Variants in SGCZ observed in about 807,000 individuals in gnomAD.
The protein encoded by SGCZ is zeta-sarcoglycan.
In SGCZ, 40 loss-of-function variants were observed where a neutral mutation model predicts 41.3. The observed-to-expected ratio is 0.97, with a 90% CI of 0.75 to 1.26. The LOEUF (loss-of-function observed/expected upper bound fraction) is 1.26, where lower values mean the gene tolerates loss of function less well. Ranked by LOEUF, SGCZ falls within the 50% of genes most tolerant of loss-of-function variation. SGCZ has a pLI of 0.00. For missense variants in SGCZ, 552 were observed against 369.8 expected, an observed-to-expected ratio of 1.49 and a Z score of -4.04; for synonymous variants, 206 against 137.5, an observed-to-expected ratio of 1.50 and a Z score of -3.49.
rs57898016 is a variant in SGCZ at position 14,493,359 on chromosome 8, C to CTTTTTTTTTTTTT, written c.234+61360_234+61372dup. Reference sequence around the variant, plus strand: ...CATACTTTTCCCACTATCATCCTTTCTTTTTTTTTTTTTTTTTTTTTTTTT... The same window carrying CTTTTTTTTTTTTT: ...CATACTTTTCCCACTATCATCCTTTCTTTTTTTTTTTTTTTTTTTTTTTTTTTTTTTTTTTTTT... On this transcript the variant is annotated intron_variant, in intron 2 of 7. Transcript: ENST00000382080. Among the ~76,000 whole-genome samples the CTTTTTTTTTTTTT allele has an allele frequency of 4.5e-3, 200 of 44,270 alleles. 25 individuals are homozygous for CTTTTTTTTTTTTT. The highest frequency in any genetic ancestry group is 9.3e-3 in the African/African-American group (123 of 13,248). 29.0% of individuals were successfully genotyped at this position (44,270 alleles called of 152,430 possible).
At position 14,847,182 on chromosome 8, in the gene SGCZ, A is replaced by AGAAGAAGAAGAAGAAGAG. The variant is rs1413121920; in HGVS notation, c.40-292257_40-292256insCTCTTCTTCTTCTTCTTC. Reference sequence around the variant, plus strand: ...AAGAAGAAGAAGAAGAAGAAGAAGAAGAAGAGAAAAATACCAATTCTACAA... The same window carrying AGAAGAAGAAGAAGAAGAG: ...AAGAAGAAGAAGAAGAAGAAGAAGAAGAAGAAGAAGAAGAAGAGGAAGAGAAAAATACCAATTCTACAA... On this transcript the variant is annotated intron_variant, in intron 1 of 7. Coordinates refer to ENST00000382080, the MANE Select transcript of SGCZ (RefSeq NM_139167.4). Among the ~76,000 whole-genome samples the AGAAGAAGAAGAAGAAGAG allele has an allele frequency of 4.3e-4, 64 of 147,302 alleles. 1 individual carries two copies. The highest frequency in any genetic ancestry group is 3.5e-3 in the Middle Eastern group (1 of 284).
At chr8:15,045,720 C>T (rs1461473947) in intron 1 of SGCZ, among the ~76,000 whole-genome samples, 1 of 152,082 alleles carries the variant, frequency 6.6e-6, no homozygotes, top group East Asian at 1.9e-4. Flanking sequence ...ATTCTCTCAT[C>T]AGAGTTGAAG....
chr8:14,305,064 G>C (rs1254390829), intron 3 of SGCZ, among the ~76,000 whole-genome samples: 8 of 152,158 alleles, frequency 5.3e-5, no homozygotes, highest in African/African-American at 1.9e-4. Flanking sequence ...CAATAGTATT[G>C]CTTAACTTAC....
chr8:15,165,800 T>A (rs1467868758), intron 1 of SGCZ, among the ~76,000 whole-genome samples: 7 of 152,202 alleles, frequency 4.6e-5, no homozygotes, highest in Non-Finnish European at 1.0e-4. Context: ...GGAGGAATTG[T>A]GGAAATTAAT....
intron 1 of SGCZ, among the ~76,000 whole-genome samples, chr8:14,656,941 T>C (rs1394171500): frequency 6.6e-6 from 1 of 151,886 alleles, no homozygotes; most frequent in Non-Finnish European, 1.5e-5. Flanking sequence ...AACATAAAAA[T>C]GAACTAAATC....
Position 14,891,567 on chromosome 8 carries a change from T to C in SGCZ, c.40-336641A>G, listed in dbSNP as rs568890025. Among the ~76,000 whole-genome samples, 4 of 152,312 alleles carry C rather than the reference T, an allele frequency of 2.6e-5. No individual in the cohort carries two copies. The South Asian group carries it at 6.2e-4, about 24-fold the overall frequency. On this transcript the variant is annotated intron_variant, in intron 1 of 7. Coordinates refer to ENST00000382080, the MANE Select transcript of SGCZ (RefSeq NM_139167.4). Reference sequence around the variant, plus strand: ...GCATATAATCTACTCCTAGTGAAGATGATGTGAACATTGTTAAAATGACAA... The same window carrying C: ...GCATATAATCTACTCCTAGTGAAGACGATGTGAACATTGTTAAAATGACAA...
intron 1 of SGCZ, among the ~76,000 whole-genome samples, chr8:14,701,739 G>T (rs986676158): frequency 6.6e-6 from 1 of 151,472 alleles, no homozygotes; most frequent in Non-Finnish European, 1.5e-5. Flanking sequence ...ACCAGCATCA[G>T]GTCTGCCACC....
intron 2 of SGCZ, among the ~76,000 whole-genome samples, chr8:14,444,164 A>G (rs983967052): frequency 6.6e-6 from 1 of 152,272 alleles, no homozygotes; most frequent in Admixed American, 6.5e-5. Flanking sequence ...AGGAAACAAC[A>G]GGTGCTGGAG....
intron 1 of SGCZ, among the ~76,000 whole-genome samples, chr8:14,989,161 A>G (rs1447858795): frequency 6.6e-6 from 1 of 152,154 alleles, no homozygotes; most frequent in Non-Finnish European, 1.5e-5. Flanking sequence ...GGGTCTGTGG[A>G]CTACTTTTGA....
chr8:14,301,998 T>C, intron 3 of SGCZ, among the ~76,000 whole-genome samples: 1 of 152,198 alleles, frequency 6.6e-6, no homozygotes, highest in East Asian at 1.9e-4. Context: ...TTTAGAAATA[T>C]CTGTCAACTT....
intron 1 of SGCZ, among the ~76,000 whole-genome samples, chr8:14,980,832 C>T (rs1801637386): frequency 6.6e-6 from 1 of 151,630 alleles, no homozygotes; most frequent in Non-Finnish European, 1.5e-5. Flanking sequence ...AACCATATCA[C>T]TATCTATTAA....
chr8:14,220,324 C>T (rs533882421), intron 4 of SGCZ, among the ~76,000 whole-genome samples: 5 of 151,820 alleles, frequency 3.3e-5, no homozygotes, highest in Non-Finnish European at 7.4e-5. Flanking sequence ...CATAATATTA[C>T]GAGAAAAAAA....
At chr8:14,621,137 A>G (rs552725589) in intron 1 of SGCZ, among the ~76,000 whole-genome samples, 177 of 152,066 alleles carry the variant, frequency 1.2e-3, no homozygotes, top group African/African-American at 4.1e-3. Flanking sequence ...TGTCCTTTGT[A>G]GGGACATGGA....
intron 2 of SGCZ, among the ~76,000 whole-genome samples, chr8:14,391,340 C>T (rs150870904): frequency 8.6e-5 from 13 of 151,606 alleles, no homozygotes; most frequent in African/African-American, 3.1e-4. Flanking sequence ...CACATATAAA[C>T]AATAAGAACA....
chr8:14,978,418 C>T (rs1382825553), intron 1 of SGCZ, among the ~76,000 whole-genome samples: 1 of 130,490 alleles, frequency 7.7e-6, no homozygotes, highest in African/African-American at 3.0e-5. Flanking sequence ...TTGTAGTGAG[C>T]CAAGATCGCG....
rs1800589055 is a variant in SGCZ at position 14,285,432 on chromosome 8, A to T, written c.336+38671T>A. 2.0e-5 allele frequency among the ~76,000 whole-genome samples: 3 copies of T among 152,160 alleles called. No individual in the cohort carries two copies. In the South Asian group the frequency reaches 6.2e-4, roughly 32 times the overall value. ...TCAGCATAACTCCTGAGCCTTTCGA[A>T]CTGGATCCAGAAATCTGAAGCTTCT... is the stretch of plus-strand genomic sequence containing the variant. On this transcript the variant is annotated intron_variant, in intron 3 of 7. Coordinates refer to ENST00000382080, the MANE Select transcript of SGCZ (RefSeq NM_139167.4).
chr8:14,876,237 A>T (rs1033091657), intron 1 of SGCZ, among the ~76,000 whole-genome samples: 1 of 152,140 alleles, frequency 6.6e-6, no homozygotes, highest in Non-Finnish European at 1.5e-5. Flanking sequence ...AAAGTAAACA[A>T]CACATTTCTA....
chr8:14,282,051 A>G (rs1479831667), intron 3 of SGCZ, among the ~76,000 whole-genome samples: 1 of 152,166 alleles, frequency 6.6e-6, no homozygotes, highest in African/African-American at 2.4e-5. Flanking sequence ...TCTAGTTAAA[A>G]GAAATAAACT....
At chr8:15,001,732 A>AG (rs973703468) in intron 1 of SGCZ, among the ~76,000 whole-genome samples, 1 of 100,814 alleles carries the variant, frequency 9.9e-6, no homozygotes, top group African/African-American at 3.9e-5. Flanking sequence ...CCGTCTCAAA[A>AG]AAAAAAAAAA....
Sources: gnomAD v4.1 joint callset for allele counts (sites outside exome capture counted in the v4.1 genomes callset) on GRCh38, gnomAD v4.1.1 for gene constraint, MANE v1.5 for transcripts, NCBI Gene and HGNC (gene_info 2026-07-23, HGNC 2026-07-21) for gene names.